Variants in PRKN observed in about 807,000 individuals in gnomAD.
PRKN encodes the protein E3 ubiquitin-protein ligase parkin.
In PRKN, 56 loss-of-function variants were observed where a neutral mutation model predicts 59.5. The observed-to-expected ratio is 0.94, with a 90% CI of 0.76 to 1.18. The LOEUF (loss-of-function observed/expected upper bound fraction) is 1.18. PRKN is among the 50% of genes most tolerant of loss of function. PRKN has a pLI of 0.00. For missense variants in PRKN, 657 were observed against 596.4 expected (o/e 1.10, Z -1.06); for synonymous variants, 250 against 222.1 (o/e 1.13, Z -1.12).
intron 7 of PRKN, among the ~76,000 whole-genome samples, chr6:161,673,209 C>T (rs1237689882): frequency 2.6e-5 from 4 of 152,182 alleles, no homozygotes; most frequent in Admixed American, 2.6e-4. Context: ...CAAGACAGAG[C>T]CCACCATGCA....
intron 7 of PRKN, among the ~76,000 whole-genome samples, chr6:161,673,165 G>C (rs1328889533): frequency 1.3e-5 from 2 of 152,072 alleles, no homozygotes; most frequent in Non-Finnish European, 2.9e-5. Context: ...GTAGGGAGAT[G>C]GTCTCCACCC....
chr6:162,446,244 C>T lies in PRKN; in HGVS notation c.8-2771G>A, dbSNP rs77032761. Among the ~76,000 whole-genome samples, 391 of 152,210 alleles carry T rather than the reference C, an allele frequency of 2.6e-3. 6 individuals carry two copies. Among genetic ancestry groups the T allele is most frequent in the South Asian group, 0.024 (118 of 4,820 alleles). On this transcript the variant is annotated intron_variant, in intron 1 of 11. Transcript: ENST00000366898. ...GGGGCTATAGGGACAAAAGATATGA[C>T]CCCAGTTCTAAATTTCATTTTCTAC...
At chr6:162,542,951 C>T (rs1778982141) in intron 1 of PRKN, among the ~76,000 whole-genome samples, 1 of 152,110 alleles carries the variant, frequency 6.6e-6, no homozygotes, top group South Asian at 2.1e-4. Context: ...GAGGGTTCTT[C>T]CTCCTACTGA....
intron 5 of PRKN, among the ~76,000 whole-genome samples, chr6:161,991,668 T>C (rs4708933): frequency 0.79 from 120,360 of 151,894 alleles, 48,474 homozygotes; most frequent in African/African-American, 0.94. Flanking sequence ...ACAGTGAAAG[T>C]CCATCTCTAC....
At chr6:161,629,580 A>T (rs563108920) in intron 7 of PRKN, among the ~76,000 whole-genome samples, 1 of 151,874 alleles carries the variant, frequency 6.6e-6, no homozygotes, top group South Asian at 2.1e-4. Flanking sequence ...CCTATACATG[A>T]CTCTGCCAAC....
intron 1 of PRKN, among the ~76,000 whole-genome samples, chr6:162,457,866 AT>A (rs1406253592): frequency 6.6e-6 from 1 of 152,098 alleles, no homozygotes; most frequent in Non-Finnish European, 1.5e-5. Flanking sequence ...CTCATCTGTA[AT>A]CCCAGCACTT....
In PRKN at chr6:161,378,911, C is replaced by T. The variant is rs533521067; in HGVS notation, c.1167+7883G>A. Reference sequence around the variant, plus strand: ...CCCAGTGGTCCACTTGGAGTTTATGCTCTCCATCTGTGCAACCTGGCCTTG... The same window carrying T: ...CCCAGTGGTCCACTTGGAGTTTATGTTCTCCATCTGTGCAACCTGGCCTTG... On this transcript the variant is annotated intron_variant, in intron 10 of 11. Coordinates refer to ENST00000366898, the MANE Select transcript of PRKN (RefSeq NM_004562.3). The surrounding 1 kb of genome is among the most constrained non-coding windows in gnomAD (Gnocchi z 7.3). Among the ~76,000 whole-genome samples the T allele has an allele frequency of 3.3e-5, 5 of 152,298 alleles. No homozygotes were observed. Among genetic ancestry groups the T allele is most frequent in the African/African-American group, 1.2e-4 (5 of 41,550 alleles).
rs74459900 is a variant in PRKN, at chr6:161,491,352, G to A, written c.1083+57502C>T. Among the ~76,000 whole-genome samples, 799 of 152,300 alleles carry A rather than the reference G, an allele frequency of 5.2e-3. 3 individuals are homozygous for A. The highest frequency in any genetic ancestry group is 9.3e-3 in the Non-Finnish European group (631 of 68,024). ...AACCACACAGGGAGCGTGAGAGGGC[G>A]TTGATGGGGTTTGTTTCAGGATGCT... On this transcript the variant is annotated intron_variant, in intron 9 of 11. Coordinates refer to ENST00000366898, the MANE Select transcript of PRKN (RefSeq NM_004562.3).
intron 6 of PRKN, among the ~76,000 whole-genome samples, chr6:161,891,979 GA>G (rs11341090): frequency 0.51 from 77,133 of 151,954 alleles, 21,721 homozygotes; most frequent in African/African-American, 0.76. Flanking sequence ...GATGGTTTAC[GA>G]AATTCCCAAT....
chr6:162,143,149 T>C (rs1031542838), intron 4 of PRKN, among the ~76,000 whole-genome samples: 20 of 152,238 alleles, frequency 1.3e-4, no homozygotes, highest in Non-Finnish European at 2.8e-4. Context: ...TCTTCCTTGT[T>C]GAGTAATGAG....
intron 2 of PRKN, among the ~76,000 whole-genome samples, chr6:162,388,432 G>A (rs1786967341): frequency 1.3e-5 from 2 of 152,142 alleles, no homozygotes; most frequent in Admixed American, 1.3e-4. Context: ...AAAAGCCAGA[G>A]GGTTTAATAA....
intron 9 of PRKN, among the ~76,000 whole-genome samples, chr6:161,500,868 T>A (rs1419816794): frequency 1.4e-5 from 2 of 144,978 alleles, no homozygotes; most frequent in African/African-American, 5.2e-5. Context: ...AGTTTAGTTT[T>A]TTTTTTTCTT....
intron 2 of PRKN, among the ~76,000 whole-genome samples, chr6:162,437,122 C>CT (rs11454625): frequency 0.24 from 36,787 of 151,688 alleles, 4,503 homozygotes; most frequent in African/African-American, 0.26. Flanking sequence ...TAAAAAAAGG[C>CT]TTCAAGAAAG....
chr6:162,215,778 G>C (rs9347601), intron 3 of PRKN, among the ~76,000 whole-genome samples: 27,761 of 152,106 alleles, frequency 0.18, 2,903 homozygotes, highest in South Asian at 0.32. Context: ...CCGGGCGGTG[G>C]CTCACACCTG....
At chr6:161,426,101 G>T (rs1169664989) in intron 9 of PRKN, among the ~76,000 whole-genome samples, 1 of 152,102 alleles carries the variant, frequency 6.6e-6, no homozygotes, top group African/African-American at 2.4e-5. Flanking sequence ...CAAAAAATGT[G>T]ATGGGGTGAC....
At chr6:162,169,251 C>T (rs577013338) in intron 4 of PRKN, among the ~76,000 whole-genome samples, 2 of 152,294 alleles carry the variant, frequency 1.3e-5, no homozygotes, top group South Asian at 2.1e-4. Flanking sequence ...CCAGTTCTAA[C>T]GTGTTTTATT....
intron 2 of PRKN, among the ~76,000 whole-genome samples, chr6:162,362,153 A>G (rs1259961740): frequency 3.3e-5 from 5 of 152,242 alleles, no homozygotes; most frequent in African/African-American, 9.6e-5. Context: ...TTCAGTAGAT[A>G]AATTATAAGG....
At chr6:162,651,394 T>A (rs1732919027) in intron 1 of PRKN, among the ~76,000 whole-genome samples, 2 of 152,172 alleles carry the variant, frequency 1.3e-5, no homozygotes, top group African/African-American at 4.8e-5. Context: ...GTTCCCTCCA[T>A]CACTATAACT....
chr6:161,606,426 A>C (rs1467467696), intron 7 of PRKN, among the ~76,000 whole-genome samples: 1 of 152,234 alleles, frequency 6.6e-6, no homozygotes, highest in African/African-American at 2.4e-5. Context: ...TGGTGACAGT[A>C]ACTGAAAAAA....
Sources: allele counts gnomAD v4.1 joint callset (sites outside exome capture counted in the v4.1 genomes callset), GRCh38; gene constraint gnomAD v4.1.1; non-coding constraint Gnocchi (gnomAD v3.1); transcripts MANE v1.5; gene names NCBI Gene and HGNC (gene_info 2026-07-23, HGNC 2026-07-21).